RRBP1: variants seen among roughly 807,000 people sequenced by gnomAD.
RRBP1 encodes ribosome-binding protein 1.
RRBP1 carries 94 observed loss-of-function variants against 165.2 expected under a neutral mutation model. The ratio of observed to expected loss-of-function variants is 0.57; its 90% CI spans 0.48 to 0.68. The LOEUF (loss-of-function observed/expected upper bound fraction) is 0.68, where lower values mean the gene tolerates loss of function less well. Among genes scored for constraint, RRBP1 ranks in the 30% least tolerant of loss-of-function variants. The pLI is 0.00. For missense variants in RRBP1, 1,676 were observed against 1,763.0 expected (o/e 0.95, Z 0.88); for synonymous variants, 680 against 714.5 (o/e 0.95, Z 0.77).
intron 2 of RRBP1, among the ~76,000 whole-genome samples, chr20:17,672,585 G>C (rs2036997857): frequency 6.6e-6 from 1 of 152,164 alleles, no homozygotes; most frequent in African/African-American, 2.4e-5. Context: ...GTATAAATTA[G>C]AACAAGCACT....
chr20:17,619,411 CCT>C (rs2035864577), intron 19 of RRBP1: 4 of 453,796 alleles, frequency 8.8e-6, no homozygotes, highest in South Asian at 4.7e-5. Flanking sequence ...TGGCTCTGCC[CCT>C]GTCCTGGCTG....
At chr20:17,644,452 C>T (rs1004540267) in intron 3 of RRBP1, among the ~76,000 whole-genome samples, 7 of 152,204 alleles carry the variant, frequency 4.6e-5, no homozygotes, top group African/African-American at 1.2e-4. Flanking sequence ...GGCTCACTCT[C>T]GGGAGAAACC....
chr20:17,618,452 C>T (rs763577539), intron 20 of RRBP1, 144 bp downstream of exon 20: 81 of 697,900 alleles, frequency 1.2e-4, no homozygotes, highest in Admixed American at 2.2e-5. Context: ...CCCCAGAAGC[C>T]GGCCCCATGC....
In RRBP1 at chr20:17,642,242, G is replaced by A. The variant is rs140099151; in HGVS notation, c.2062-323C>T. 1.6e-3 allele frequency among the ~76,000 whole-genome samples: 241 copies of A among 152,362 alleles called. 1 individual carries two copies. The highest frequency in any genetic ancestry group is 7.5e-3 in the East Asian group (39 of 5,186). On this transcript the variant is annotated intron_variant, in intron 4 of 24. Transcript: ENST00000377813. ...TTCTGGCCTGGAGCCTACCCGAGCCGGGCGTGCAGCCCGTAGGCCTCTGGC... is the reference window on the plus strand; with the variant it reads ...TTCTGGCCTGGAGCCTACCCGAGCCAGGCGTGCAGCCCGTAGGCCTCTGGC...
intron 13 of RRBP1, chr20:17,622,754 G>A (rs907548251): frequency 1.3e-5 from 2 of 152,244 alleles, no homozygotes; most frequent in South Asian, 2.1e-4. Flanking sequence ...CCCACACCCC[G>A]AGGGGAAGGC....
At chr20:17,649,811 G>A (rs181571094) in intron 3 of RRBP1, among the ~76,000 whole-genome samples, 1 of 152,074 alleles carries the variant, frequency 6.6e-6, no homozygotes, top group African/African-American at 2.4e-5. Context: ...GGGGCTCAGC[G>A]AGACTGCACA....
intron 3 of RRBP1, among the ~76,000 whole-genome samples, chr20:17,655,513 T>C (rs2036630843): frequency 6.6e-6 from 1 of 152,232 alleles, no homozygotes; most frequent in Non-Finnish European, 1.5e-5. Context: ...CACGTGACCA[T>C]GTCTTTGCAG....
chr20:17,640,538 G>A (rs2036334006), intron 5 of RRBP1, among the ~76,000 whole-genome samples: 1 of 152,144 alleles, frequency 6.6e-6, no homozygotes, highest in East Asian at 1.9e-4. Context: ...GCATTTGGGA[G>A]CCCAACAGGA....
At position 17,624,651 on chromosome 20, in the gene RRBP1, GTTC is replaced by G. The variant is rs778086319; in HGVS notation, c.3069_3071del (p.Lys1023del). 6.3e-7 allele frequency: 1 copy of G among 1,585,908 alleles called. No homozygotes were observed. Among genetic ancestry groups the G allele is most frequent in the South Asian group, 1.2e-5 (1 of 86,648 alleles). ...TGGCCAGTGCCTCCATGGCCTTCCA[GTTC>G]TTCTCCCGGAGGTCCTGGAGGGGAC... On this transcript the variant is annotated inframe_deletion, in exon 13 of 25. Coordinates refer to ENST00000377813, the MANE Select transcript of RRBP1 (RefSeq NM_001365613.2).
intron 3 of RRBP1, among the ~76,000 whole-genome samples, chr20:17,652,478 C>T (rs1299771742): frequency 6.6e-6 from 1 of 152,104 alleles, no homozygotes. Context: ...CTGGCCTGCT[C>T]CACACCGGTG....
At chr20:17,652,729 G>A (rs969904504) in intron 3 of RRBP1, among the ~76,000 whole-genome samples, 15 of 152,190 alleles carry the variant, frequency 9.9e-5, no homozygotes, top group African/African-American at 3.1e-4. Flanking sequence ...GAGGGGCAAC[G>A]AGGCACAAGG....
chr20:17,653,860 T>A (rs907571664), intron 3 of RRBP1, among the ~76,000 whole-genome samples: 1 of 142,750 alleles, frequency 7.0e-6, no homozygotes, highest in African/African-American at 2.6e-5. Context: ...AAGAACAGCC[T>A]CCTGGTCCCA....
intron 19 of RRBP1, 35 bp from the exon 20 acceptor site, chr20:17,618,714 A>C (rs1231343356): frequency 6.7e-7 from 1 of 1,499,900 alleles, no homozygotes; most frequent in Admixed American, 1.7e-5. Flanking sequence ...GATGGGAAAA[A>C]AGGAGAGAAA....
intron 2 of RRBP1, among the ~76,000 whole-genome samples, chr20:17,670,430 G>A (rs1206267391): frequency 1.9e-5 from 2 of 105,150 alleles, no homozygotes; most frequent in Non-Finnish European, 2.0e-5. Flanking sequence ...CTACTTTTTA[G>A]CAATTACCTT....
At chr20:17,673,477 C>T (rs1212776570) in intron 2 of RRBP1, among the ~76,000 whole-genome samples, 4 of 152,150 alleles carry the variant, frequency 2.6e-5, no homozygotes, top group Non-Finnish European at 4.4e-5. Context: ...GGTACGATCC[C>T]GGCTCACTGC....
Position 17,636,617 on chromosome 20 carries a change from T to A in RRBP1, c.2297A>T (p.Tyr766Phe). ...CTGCACCTCCTTCACGTGCTCCCGG[T>A]AGCTGGCCTGCATGCGTGCCTGCAC... ...TAVQARMQAS[Y>F]REHVKEVQQL... The change falls in exon 6 of 25, where the codon TAC becomes TTC. Residue 766 changes from tyrosine to phenylalanine, a missense_variant. Transcript: ENST00000377813. 6.2e-7 allele frequency: 1 copy of A among 1,612,702 alleles called. No individual in the cohort carries two copies. Among genetic ancestry groups the A allele is most frequent in the African/African-American group, 1.3e-5 (1 of 75,052 alleles).
intron 17 of RRBP1, 87 bp downstream of exon 17, chr20:17,620,628 C>T: frequency 9.6e-7 from 1 of 1,039,472 alleles, no homozygotes; most frequent in Non-Finnish European, 1.5e-6. Flanking sequence ...ACACACGAGT[C>T]TCACAGGTGA....
intron 12 of RRBP1, 49 bp downstream of exon 12, chr20:17,625,463 C>A: frequency 6.5e-7 from 1 of 1,542,894 alleles, no homozygotes; most frequent in Non-Finnish European, 8.9e-7. Context: ...CCCGGCCCCA[C>A]CTGTGCTTCC....
At chr20:17,641,391 C>T (rs2036355393) in intron 5 of RRBP1, 1 of 204,912 alleles carries the variant, frequency 4.9e-6, no homozygotes, top group African/African-American at 2.3e-5. Context: ...TTGCATAATC[C>T]TCAAGAAAAC....
Sources: gnomAD v4.1 joint callset for allele counts (sites outside exome capture counted in the v4.1 genomes callset) on GRCh38, gnomAD v4.1.1 for gene constraint, MANE v1.5 for transcripts, NCBI Gene and HGNC (gene_info 2026-07-23, HGNC 2026-07-21) for gene names.